The following THOP1 variants were observed in gnomAD, a reference collection of about 807,000 sequenced individuals.
The protein encoded by THOP1 is thimet oligopeptidase.
In THOP1, 49 loss-of-function variants were observed where a neutral mutation model predicts 71.8. The ratio of observed to expected loss-of-function variants is 0.68; its 90% CI spans 0.54 to 0.87. The LOEUF is 0.87. Ranked by LOEUF, THOP1 falls within the 40% of genes least tolerant of loss-of-function variation. THOP1 has a pLI of 0.00. For missense variants in THOP1, 843 were observed against 975.6 expected (o/e 0.86, Z 1.81); for synonymous variants, 426 against 421.5 (o/e 1.01, Z -0.13).
At position 2,815,603 on chromosome 19, in the gene THOP1, G is replaced by A. The variant is rs1231233767; in HGVS notation, c.*2327G>A. 1.3e-5 allele frequency: 2 copies of A among 152,572 alleles called. No homozygotes were observed. The highest frequency in any genetic ancestry group is 4.8e-5 in the African/African-American group (2 of 41,436). The allele number at this position is 152,572 out of a possible 1,614,324, so 9.5% of individuals were successfully genotyped here. A position where few individuals can be genotyped will look rare whatever the true frequency, so the allele number is the denominator to read the frequency against. On this transcript the variant is annotated 3_prime_UTR_variant, in exon 13 of 13. Transcript: ENST00000307741. ...CCCCAAACACTCCAGGACAGAGCGGGGGCTTTGATCACAGGGAGGGGGCTG... is the reference window on the plus strand; with the variant it reads ...CCCCAAACACTCCAGGACAGAGCGGAGGCTTTGATCACAGGGAGGGGGCTG...
chr19:2,812,973 A>G, intron 12 of THOP1, 142 bp from the exon 13 acceptor site: 1 of 925,948 alleles, frequency 1.1e-6, no homozygotes, highest in South Asian at 1.8e-5. Flanking sequence ...ACCTGTGCTG[A>G]TGCAGGCGGC....
Position 2,806,988 on chromosome 19 carries a change from G to T in THOP1, c.822G>T (p.Thr274=), listed in dbSNP as rs536439231. ...AQKSRLLGFH[T]HADYVLEMNM... ...AGTCCCGCCTGCTGGGGTTCCACACGCACGCCGACTATGTCCTGGAGATGA... is the reference window on the plus strand; with the variant it reads ...AGTCCCGCCTGCTGGGGTTCCACACTCACGCCGACTATGTCCTGGAGATGA... Residue 274 remains threonine (T), a synonymous_variant, in exon 7 of 13, where the codon ACG becomes ACT. Coordinates refer to ENST00000307741, the MANE Select transcript of THOP1 (RefSeq NM_003249.5). 1.2e-5 allele frequency: 20 copies of T among 1,612,960 alleles called. No individual in the cohort carries two copies. Among genetic ancestry groups the T allele is most frequent in the East Asian group, 1.1e-4 (5 of 44,866 alleles).
intron 12 of THOP1, 129 bp from the exon 13 acceptor site, chr19:2,812,986 C>A: frequency 8.5e-7 from 1 of 1,177,360 alleles, no homozygotes; most frequent in Non-Finnish European, 1.2e-6. Context: ...CAGGCGGCCC[C>A]CGGGCCTCCC....
intron 12 of THOP1, chr19:2,812,182 G>T: frequency 6.7e-7 from 1 of 1,492,248 alleles, no homozygotes. Flanking sequence ...CCATTCATTT[G>T]CTCCTCCAAC....
intron 1 of THOP1, among the ~76,000 whole-genome samples, chr19:2,787,645 G>A (rs1384715767): frequency 6.6e-6 from 1 of 152,224 alleles, no homozygotes; most frequent in African/African-American, 2.4e-5. Flanking sequence ...GCCAGAAAAT[G>A]ACCTCAACTG....
At chr19:2,786,043 C>T (rs1419719345) in intron 1 of THOP1, among the ~76,000 whole-genome samples, 2 of 152,142 alleles carry the variant, frequency 1.3e-5, no homozygotes, top group Non-Finnish European at 2.9e-5. Flanking sequence ...GGGATCGGTG[C>T]TCTGGTGCAG....
rs1398421395 is a variant in THOP1, at chr19:2,805,296, G to C, written c.750+120G>C. On this transcript the variant is annotated intron_variant, in intron 6 of 12. Coordinates refer to ENST00000307741, the MANE Select transcript of THOP1 (RefSeq NM_003249.5). The surrounding 1 kb of genome is among the most constrained non-coding windows in gnomAD (Gnocchi z 6.6). ...CTTGGATGGCCTCCCAATCTCCCTGGCCAGGCCCAGTGGCCAGCAGAGGCC... is the reference window on the plus strand; with the variant it reads ...CTTGGATGGCCTCCCAATCTCCCTGCCCAGGCCCAGTGGCCAGCAGAGGCC... The C allele has an allele frequency of 8.0e-7, 1 of 1,255,264 alleles. No homozygotes were observed. Among genetic ancestry groups the C allele is most frequent in the Non-Finnish European group, 1.1e-6 (1 of 928,998 alleles). 77.8% of individuals were successfully genotyped at this position (1,255,264 alleles called of 1,614,324 possible). A position where few individuals can be genotyped will look rare whatever the true frequency, so the allele number is the denominator to read the frequency against.
At position 2,790,562 on chromosome 19, in the gene THOP1, C is replaced by A; in HGVS notation, c.158C>A (p.Thr53Asn). The change falls in exon 2 of 13, where the codon ACC becomes AAC. Residue 53 changes from threonine to asparagine, a missense_variant. Physicochemically the swap from Thr to Asn is moderately conservative, Grantham distance 65 (BLOSUM62 0). Coordinates refer to ENST00000307741, the MANE Select transcript of THOP1 (RefSeq NM_003249.5). ...QTKRVYDQVG[T>N]QEFEDVSYES... Reference sequence around the variant, plus strand: ...AAGCGCGTGTATGACCAGGTTGGCACCCAGGAGTTTGAGGACGTGTCCTAC... The same window carrying A: ...AAGCGCGTGTATGACCAGGTTGGCAACCAGGAGTTTGAGGACGTGTCCTAC... 6 of 1,607,158 alleles carry A rather than the reference C, an allele frequency of 3.7e-6. No individual in the cohort carries two copies. Among genetic ancestry groups the A allele is most frequent in the Non-Finnish European group, 5.1e-6 (6 of 1,177,014 alleles).
chr19:2,792,279 G>T (rs1451064374), intron 2 of THOP1, among the ~76,000 whole-genome samples: 1 of 152,100 alleles, frequency 6.6e-6, no homozygotes, highest in Non-Finnish European at 1.5e-5. Flanking sequence ...GGCTGCTGTA[G>T]TGCAGTAGTG....
chr19:2,805,071 G>A lies in THOP1; in HGVS notation c.645G>A (p.Leu215=). Residue 215 remains leucine, a synonymous_variant, in exon 6 of 13, where the codon TTG becomes TTA. Coordinates refer to ENST00000307741, the MANE Select transcript of THOP1 (RefSeq NM_003249.5). This position sits in a 1 kb window ranked among gnomAD's most constrained non-coding sequence, Gnocchi z 6.6. ...NSLEKMEDGK[L]KVTLKYPHYF... is the part of the protein sequence containing the mutation. The stretch of plus-strand genomic sequence containing the variant: ...TGGAGAAGATGGAGGACGGCAAGTT[G>A]AAGGTCACCCTCAAGTACCCCCATT... 6.2e-7 allele frequency: 1 copy of A among 1,612,888 alleles called. No homozygotes were observed. Among genetic ancestry groups the A allele is most frequent in the South Asian group, 1.1e-5 (1 of 91,018 alleles).
chr19:2,812,126 G>A, intron 12 of THOP1: 1 of 1,424,712 alleles, frequency 7.0e-7, no homozygotes, highest in South Asian at 1.4e-5. Context: ...CGGCCTCAGA[G>A]CCATGGGCTG....
rs1916343801 is a variant in THOP1, at chr19:2,807,814, T to C, written c.1253+6T>C. ...TACCTGGACCTGTACCCGCGGTGGG[T>C]GAGGGCAGCGGGGGCGGGGGGCGCA... On this transcript the variant is annotated splice_donor_region_variant and intron_variant, in intron 8 of 12. Transcript: ENST00000307741. The C allele has an allele frequency of 6.8e-7, 1 of 1,474,728 alleles. No individual in the cohort carries two copies. Among genetic ancestry groups the C allele is most frequent in the African/African-American group, 1.4e-5 (1 of 70,782 alleles). 91.4% of individuals were successfully genotyped at this position (1,474,728 alleles called of 1,614,324 possible).
intron 2 of THOP1, among the ~76,000 whole-genome samples, 163 bp downstream of exon 2, chr19:2,790,796 C>A (rs936263694): frequency 6.6e-6 from 1 of 152,250 alleles, no homozygotes; most frequent in Non-Finnish European, 1.5e-5. Flanking sequence ...CCAGGCTGGT[C>A]GTGGTGGCTA....
chr19:2,808,917 G>T (rs2144781915), intron 9 of THOP1, among the ~76,000 whole-genome samples: 1 of 152,310 alleles, frequency 6.6e-6, no homozygotes, highest in Non-Finnish European at 1.5e-5. Context: ...TCCTGGCCAG[G>T]CGTGGTGGTC....
At chr19:2,809,338 G>A (rs1916396097) in intron 9 of THOP1, among the ~76,000 whole-genome samples, 1 of 152,208 alleles carries the variant, frequency 6.6e-6, no homozygotes, top group South Asian at 2.1e-4. Context: ...AAGGAGACGA[G>A]ACAGTGCTCT....
intron 7 of THOP1, 79 bp downstream of exon 7, chr19:2,807,131 C>T (rs1001363819): frequency 6.8e-7 from 1 of 1,473,508 alleles, no homozygotes; most frequent in Non-Finnish European, 9.0e-7. Flanking sequence ...TCGGTGCTAC[C>T]CCTAGAGCCT....
At chr19:2,803,993 G>A (rs1916223939) in intron 5 of THOP1, among the ~76,000 whole-genome samples, 1 of 151,068 alleles carries the variant, frequency 6.6e-6, no homozygotes, top group Admixed American at 6.6e-5. Context: ...GTCGGCGTGA[G>A]CTCCCGATCG....
chr19:2,791,888 G>A (rs967093099), intron 2 of THOP1, among the ~76,000 whole-genome samples: 7 of 152,140 alleles, frequency 4.6e-5, no homozygotes, highest in African/African-American at 1.2e-4. Flanking sequence ...GGTCTTCAGC[G>A]CCCTGCACCG....
chr19:2,812,737 A>C (rs1916511562), intron 12 of THOP1, among the ~76,000 whole-genome samples: 1 of 152,178 alleles, frequency 6.6e-6, no homozygotes, highest in Non-Finnish European at 1.5e-5. Context: ...TCCCGCAGTC[A>C]CAGGGCTGGG....
Sources: allele counts gnomAD v4.1 joint callset (sites outside exome capture counted in the v4.1 genomes callset), GRCh38; gene constraint gnomAD v4.1.1; non-coding constraint Gnocchi (gnomAD v3.1); transcripts MANE v1.5; gene names NCBI Gene and HGNC (gene_info 2026-07-23, HGNC 2026-07-21).